KCNJ16: variants seen among roughly 807,000 people sequenced by gnomAD.
The protein encoded by KCNJ16 is potassium inwardly rectifying channel subfamily J member 16.
Under a neutral mutation model 18.5 loss-of-function variants are expected in KCNJ16, and 15 were observed. The ratio of observed to expected loss-of-function variants is 0.81; its 90% CI spans 0.54 to 1.25. The LOEUF (loss-of-function observed/expected upper bound fraction) is 1.25, where lower values mean the gene tolerates loss of function less well. Among genes scored for constraint, KCNJ16 ranks in the 50% most tolerant of loss-of-function variants. The pLI is 0.00. For synonymous variants in KCNJ16, 174 were observed against 186.5 expected, an observed-to-expected ratio of 0.93 and a Z score of 0.55; for missense variants, 523 against 525.7, an observed-to-expected ratio of 0.99 and a Z score of 0.05.
At chr17:70,095,900 T>G (rs1304706913) in intron 1 of KCNJ16, among the ~76,000 whole-genome samples, 1 of 80,720 alleles carries the variant, frequency 1.2e-5, no homozygotes, top group African/African-American at 5.0e-5. Context: ...TTTTTTTTTT[T>G]GAGATGGAGT....
rs57306433 is a variant in KCNJ16, at chr17:70,092,527, TAGAC to T, written c.-299-8127_-299-8124del. ...ATAGATAGATAGATAGATAGATACA[TAGAC>T]AGATAGATATAGATAGATATAGATA... On this transcript the variant is annotated intron_variant, in intron 1 of 3. Coordinates refer to ENST00000392671, the MANE Select transcript of KCNJ16 (RefSeq NM_170741.4). Among the ~76,000 whole-genome samples, 288 of 60,244 alleles carry T rather than the reference TAGAC, an allele frequency of 4.8e-3. 2 individuals carry two copies. The highest frequency in any genetic ancestry group is 0.016 in the African/African-American group (191 of 11,606). The allele number at this position is 60,244 out of a possible 152,430, so 39.5% of individuals were successfully genotyped here.
At chr17:70,084,269 T>C (rs970568860) in intron 1 of KCNJ16, among the ~76,000 whole-genome samples, 4 of 152,188 alleles carry the variant, frequency 2.6e-5, no homozygotes, top group Non-Finnish European at 4.4e-5. Flanking sequence ...GTTAGTTAAA[T>C]TGGTACAATC....
intron 2 of KCNJ16, among the ~76,000 whole-genome samples, chr17:70,119,431 G>GT (rs2073542865): frequency 6.6e-6 from 1 of 152,214 alleles, no homozygotes; most frequent in Admixed American, 6.5e-5. Flanking sequence ...GAGGTTCTCT[G>GT]TGGAGGCTCC....
intron 1 of KCNJ16, among the ~76,000 whole-genome samples, chr17:70,086,098 TA>T (rs2071784262): frequency 6.6e-6 from 1 of 152,290 alleles, no homozygotes; most frequent in South Asian, 2.1e-4. Context: ...TTCTTTAGTT[TA>T]AAAAGTCTTT....
At chr17:70,131,280 G>C (rs988337341) in intron 3 of KCNJ16, 15 of 1,078,304 alleles carry the variant, frequency 1.4e-5, no homozygotes, top group African/African-American at 1.6e-5. Context: ...ACACCTTTCT[G>C]AAAGCTTACC....
At chr17:70,123,293 C>T (rs1271814477) in intron 2 of KCNJ16, among the ~76,000 whole-genome samples, 2 of 152,138 alleles carry the variant, frequency 1.3e-5, no homozygotes, top group Non-Finnish European at 2.9e-5. Flanking sequence ...TAGCTTATAG[C>T]ATCAAATATA....
Position 70,132,148 on chromosome 17 carries a change from C to G in KCNJ16, c.61C>G (p.Pro21Ala). ...INADAKYPGYPPEHIIAEKRR... is the reference protein window; with the variant it reads ...INADAKYPGYAPEHIIAEKRR... ...TGCGGACGCAAAATACCCAGGCTAC[C>G]CGCCAGAGCACATTATAGCTGAGAA... Residue 21 changes from proline to alanine, a missense_variant, in exon 4 of 4, where the codon CCG becomes GCG. Coordinates refer to ENST00000392671, the MANE Select transcript of KCNJ16 (RefSeq NM_170741.4). 1 of 1,614,200 alleles carries G rather than the reference C, an allele frequency of 6.2e-7. No homozygotes were observed. The highest frequency in any genetic ancestry group is 8.5e-7 in the Non-Finnish European group (1 of 1,180,042).
chr17:70,132,205 G>C lies in KCNJ16; in HGVS notation c.118G>C (p.Asp40His). The C allele has an allele frequency of 6.2e-7, 1 of 1,614,226 alleles. No homozygotes were observed. The highest frequency in any genetic ancestry group is 8.5e-7 in the Non-Finnish European group (1 of 1,180,034). Residue 40 changes from aspartate (D) to histidine (H), a missense_variant, in exon 4 of 4, where the codon GAT becomes CAT. Coordinates refer to ENST00000392671, the MANE Select transcript of KCNJ16 (RefSeq NM_170741.4). Reference sequence around the variant, plus strand: ...AGCAAGAAGACGATTACTTCACAAAGATGGCAGCTGTAATGTCTACTTCAA... The same window carrying C: ...AGCAAGAAGACGATTACTTCACAAACATGGCAGCTGTAATGTCTACTTCAA... ...RRARRRLLHK[D>H]GSCNVYFKHI...
rs1334404618 is a variant in KCNJ16, at chr17:70,132,146, A to C, written c.59A>C (p.Tyr20Ser). The C allele has an allele frequency of 1.9e-6, 3 of 1,614,076 alleles. No homozygotes were observed. The highest frequency in any genetic ancestry group is 1.7e-6 in the Non-Finnish European group (2 of 1,180,040). ...AATGCGGACGCAAAATACCCAGGCT[A>C]CCCGCCAGAGCACATTATAGCTGAG... The part of the protein sequence containing the change: ...IINADAKYPG[Y>S]PPEHIIAEKR... Residue 20 changes from tyrosine (Y) to serine (S), a missense_variant, in exon 4 of 4, where the codon TAC (tyrosine) becomes TCC (serine). Coordinates refer to ENST00000392671, the MANE Select transcript of KCNJ16 (RefSeq NM_170741.4).
At chr17:70,093,219 T>C (rs1191891806) in intron 1 of KCNJ16, among the ~76,000 whole-genome samples, 2 of 152,200 alleles carry the variant, frequency 1.3e-5, no homozygotes, top group African/African-American at 2.4e-5. Flanking sequence ...CATTGCAAAC[T>C]GGGTGGCATA....
chr17:70,085,356 T>C (rs8068539), intron 1 of KCNJ16, among the ~76,000 whole-genome samples: 136,646 of 152,220 alleles, frequency 0.9, 61,453 homozygotes, highest in East Asian at 1. Context: ...TTTATTTTTA[T>C]GATAAGGAAA....
chr17:70,131,596 T>C (rs977616789), intron 3 of KCNJ16: 1 of 452,356 alleles, frequency 2.2e-6, no homozygotes, highest in African/African-American at 2.1e-5. Context: ...GTTAGGAAGC[T>C]TATGACTGCT....
chr17:70,125,029 G>T (rs1236434611), intron 2 of KCNJ16, among the ~76,000 whole-genome samples: 1 of 152,090 alleles, frequency 6.6e-6, no homozygotes, highest in Non-Finnish European at 1.5e-5. Flanking sequence ...ACTTTGGGAG[G>T]CCGAGGCTGG....
intron 3 of KCNJ16, chr17:70,131,371 G>A (rs1236677601): frequency 1.9e-6 from 2 of 1,041,764 alleles, no homozygotes; most frequent in African/African-American, 1.7e-5. Context: ...TGGAGTTAGG[G>A]GGAAATGAGT....
In KCNJ16 at chr17:70,135,161, T is replaced by G. The variant is rs1440399732; in HGVS notation, c.*1817T>G. 1.2e-5 allele frequency: 2 copies of G among 166,848 alleles called. No individual in the cohort carries two copies. The highest frequency in any genetic ancestry group is 4.8e-5 in the African/African-American group (2 of 41,444). 10.3% of individuals were successfully genotyped at this position (166,848 alleles called of 1,614,324 possible). A position where few individuals can be genotyped will look rare whatever the true frequency, so the allele number is the denominator to read the frequency against. ...TTAATATTAGAGACCCAAGTAAGAT[T>G]GTTTTTAGTCTTGCTTGAGGAATGC... On this transcript the variant is annotated 3_prime_UTR_variant, in exon 4 of 4. Coordinates refer to ENST00000392671, the MANE Select transcript of KCNJ16 (RefSeq NM_170741.4).
chr17:70,120,804 CT>C (rs773234590), intron 2 of KCNJ16, among the ~76,000 whole-genome samples: 2 of 152,138 alleles, frequency 1.3e-5, no homozygotes, highest in Admixed American at 1.3e-4. Flanking sequence ...GGGATTACAA[CT>C]CAACATGAGA....
chr17:70,110,480 G>GCACACACACACACACACACACACA (rs1337834954), intron 2 of KCNJ16, among the ~76,000 whole-genome samples: 4 of 151,002 alleles, frequency 2.6e-5, no homozygotes, highest in Admixed American at 1.3e-4. Flanking sequence ...CACTTCGTGC[G>GCACACACACACACACACACACACA]CGCACACACA....
At chr17:70,092,910 C>G (rs938530366) in intron 1 of KCNJ16, among the ~76,000 whole-genome samples, 75 of 152,140 alleles carry the variant, frequency 4.9e-4, no homozygotes, top group Non-Finnish European at 8.1e-4. Flanking sequence ...TGATGCCCCC[C>G]ACATTAGCGA....
At chr17:70,126,059 T>C (rs1017056790) in intron 2 of KCNJ16, among the ~76,000 whole-genome samples, 4 of 152,212 alleles carry the variant, frequency 2.6e-5, no homozygotes, top group African/African-American at 9.6e-5. Flanking sequence ...CTTTTATATA[T>C]ATAAGATAAC....
Sources: allele counts gnomAD v4.1 joint callset (sites outside exome capture counted in the v4.1 genomes callset), GRCh38; gene constraint gnomAD v4.1.1; transcripts MANE v1.5; gene names NCBI Gene and HGNC (gene_info 2026-07-23, HGNC 2026-07-21).